Variants in TRPM1 observed in about 807,000 individuals in gnomAD.
The protein encoded by TRPM1 is TRPM1-203 APA Isoform, Intron 10.
In TRPM1, 113 loss-of-function variants were observed where a neutral mutation model predicts 149.4. The ratio of observed to expected loss-of-function variants is 0.76; its 90% CI spans 0.65 to 0.88. TRPM1 has a LOEUF of 0.88. Ranked by LOEUF, TRPM1 falls within the 40% of genes least tolerant of loss-of-function variation. TRPM1 has a pLI of 0.00. For missense variants in TRPM1, 1,976 were observed against 2,038.7 expected (o/e 0.97, Z 0.59); for synonymous variants, 741 against 759.5 (o/e 0.98, Z 0.40).
intron 13 of TRPM1, 88 bp from the exon 14 acceptor site, chr15:31,048,027 C>T: frequency 9.1e-7 from 1 of 1,101,240 alleles, no homozygotes; most frequent in Non-Finnish European, 1.4e-6. Context: ...CTTTGGGAGG[C>T]CAAGGCAGGC....
At chr15:31,086,354 T>C (rs2035000152) in intron 1 of TRPM1, among the ~76,000 whole-genome samples, 1 of 152,226 alleles carries the variant, frequency 6.6e-6, no homozygotes, top group Non-Finnish European at 1.5e-5. Flanking sequence ...GGTATCAGAC[T>C]CCACTGCTCC....
chr15:31,144,294 C>T (rs998768609), intron 1 of TRPM1, among the ~76,000 whole-genome samples: 10 of 152,112 alleles, frequency 6.6e-5, no homozygotes, highest in Admixed American at 1.3e-4. Flanking sequence ...AAAAATTAGC[C>T]AGTGTGGTGG....
chr15:31,158,626 C>CAAAAAAAAAA (rs749062439), intron 1 of TRPM1, among the ~76,000 whole-genome samples: 1 of 59,798 alleles, frequency 1.7e-5, no homozygotes, highest in Non-Finnish European at 3.1e-5. Flanking sequence ...GACTCCATCT[C>CAAAAAAAAAA]AAAAAAAAAA....
At chr15:31,087,486 C>T (rs2035036488) in intron 1 of TRPM1, among the ~76,000 whole-genome samples, 1 of 151,862 alleles carries the variant, frequency 6.6e-6, no homozygotes, top group Non-Finnish European at 1.5e-5. Flanking sequence ...AATCTCCTGA[C>T]CTCATGATCT....
At chr15:31,153,729 T>C (rs1297058846) in intron 1 of TRPM1, among the ~76,000 whole-genome samples, 2 of 152,212 alleles carry the variant, frequency 1.3e-5, no homozygotes, top group Admixed American at 6.5e-5. Flanking sequence ...CAAGATTTTC[T>C]GCTTTTCCAG....
chr15:31,042,880 G>A (rs1255044362), intron 16 of TRPM1, among the ~76,000 whole-genome samples: 1 of 152,230 alleles, frequency 6.6e-6, no homozygotes, highest in Non-Finnish European at 1.5e-5. Context: ...GGCAGATCGT[G>A]ATTGGGAAAA....
intron 27 of TRPM1, among the ~76,000 whole-genome samples, chr15:31,012,499 C>T (rs1243696888): frequency 6.6e-6 from 1 of 152,154 alleles, no homozygotes; most frequent in Admixed American, 6.5e-5. Context: ...AATTAAGCAT[C>T]CTTTCCATGT....
At chr15:31,071,125 C>T (rs1596038620) in intron 3 of TRPM1, among the ~76,000 whole-genome samples, 1 of 152,298 alleles carries the variant, frequency 6.6e-6, no homozygotes, top group East Asian at 1.9e-4. Context: ...CCTAGTGTGC[C>T]TAGGATTTCA....
intron 27 of TRPM1, among the ~76,000 whole-genome samples, chr15:31,016,978 CACACACACACAAAAAA>C (rs1433859666): frequency 1.5e-5 from 2 of 134,198 alleles, no homozygotes; most frequent in African/African-American, 2.7e-5. Context: ...CACACACACA[CACACACACACAAAAAA>C]AAAACTTGTT....
chr15:31,050,259 T>G, intron 12 of TRPM1, 150 bp downstream of exon 12: 1 of 1,116,278 alleles, frequency 9.0e-7, no homozygotes, highest in Non-Finnish European at 1.4e-6. Context: ...TGTGCTGTTG[T>G]AGTTTGAAAT....
rs1386344269 is a variant in TRPM1, at chr15:31,047,160, G to C, written c.1715C>G (p.Thr572Ser). The change falls in exon 15 of 28, where the codon ACT becomes AGT. Residue 572 changes from threonine to serine, a missense_variant. Transcript: ENST00000256552. ...LMGGAYRCNY[T>S]RKNFRTLYNN... ...GTAAAGGGTCCGAAAGTTTTTCCGA[G>C]TGTAGTTGCAGCGGTAGGCTCCTCC... The C allele has an allele frequency of 6.2e-7, 1 of 1,614,228 alleles. No homozygotes were observed. Among genetic ancestry groups the C allele is most frequent in the Non-Finnish European group, 8.5e-7 (1 of 1,180,030 alleles).
intron 1 of TRPM1, among the ~76,000 whole-genome samples, chr15:31,124,749 C>T (rs909820940): frequency 8.3e-4 from 125 of 151,304 alleles, no homozygotes; most frequent in African/African-American, 2.9e-3. Context: ...TTAAAAAGAT[C>T]AGTGAATGTC....
intron 6 of TRPM1, 147 bp from the exon 7 acceptor site, chr15:31,066,394 C>T (rs2034378317): frequency 1.1e-6 from 1 of 875,424 alleles, no homozygotes; most frequent in Non-Finnish European, 1.9e-6. Context: ...TTTATTTTTG[C>T]CAATTGTTAC....
At chr15:31,086,603 A>C (rs1295206280) in intron 1 of TRPM1, among the ~76,000 whole-genome samples, 4 of 152,164 alleles carry the variant, frequency 2.6e-5, no homozygotes, top group Non-Finnish European at 5.9e-5. Flanking sequence ...CTCTCCCAGC[A>C]GGGGCTCCAG....
At chr15:31,050,297 C>A in intron 12 of TRPM1, 112 bp downstream of exon 12, 1 of 1,502,206 alleles carries the variant, frequency 6.7e-7, no homozygotes, top group Non-Finnish European at 9.2e-7. Flanking sequence ...AAGCCTTTAC[C>A]CGTCCCTCCT....
chr15:31,107,242 A>T (rs1322901209), intron 1 of TRPM1, among the ~76,000 whole-genome samples: 1 of 152,130 alleles, frequency 6.6e-6, no homozygotes, highest in Non-Finnish European at 1.5e-5. Context: ...TACTTTTTAT[A>T]GGTCTGTTCA....
intron 10 of TRPM1, among the ~76,000 whole-genome samples, chr15:31,060,929 G>T (rs1479212402): frequency 2.0e-5 from 3 of 152,158 alleles, no homozygotes; most frequent in African/African-American, 2.4e-5. Context: ...CTCCAGGAAG[G>T]CTGGAACCCT....
chr15:31,087,361 C>T (rs2035032686), intron 1 of TRPM1, among the ~76,000 whole-genome samples: 1 of 149,308 alleles, frequency 6.7e-6, no homozygotes, highest in South Asian at 2.1e-4. Context: ...TCTCCTGCCT[C>T]AGCCTCCATG....
chr15:31,094,753 T>A (rs549455851), intron 1 of TRPM1, among the ~76,000 whole-genome samples: 1 of 152,216 alleles, frequency 6.6e-6, no homozygotes, highest in South Asian at 2.1e-4. Context: ...TGTGGAGGAA[T>A]TGGAACCTTC....
Sources: allele counts gnomAD v4.1 joint callset (sites outside exome capture counted in the v4.1 genomes callset), GRCh38; gene constraint gnomAD v4.1.1; transcripts MANE v1.5; gene names NCBI Gene and HGNC (gene_info 2026-07-23, HGNC 2026-07-21).